PCYT1A: variants seen among roughly 807,000 people sequenced by gnomAD.
The protein encoded by PCYT1A is choline-phosphate cytidylyltransferase A.
A neutral mutation model predicts 43.7 loss-of-function variants in PCYT1A; 25 were observed. The ratio of observed to expected loss-of-function variants is 0.57; its 90% CI spans 0.42 to 0.80. The LOEUF (loss-of-function observed/expected upper bound fraction) is 0.80. Ranked by LOEUF, PCYT1A falls within the 30% of genes least tolerant of loss-of-function variation. The pLI, the probability that PCYT1A is intolerant of heterozygous loss-of-function variation, is 0.00. For missense variants in PCYT1A, 421 were observed against 474.2 expected, an observed-to-expected ratio of 0.89 and a Z score of 1.04; for synonymous variants, 172 against 170.7, an observed-to-expected ratio of 1.01 and a Z score of -0.06.
rs372973948 is a variant in PCYT1A, at chr3:196,238,650, G to A, written c.*38C>T. 44 of 1,331,200 alleles carry A rather than the reference G, an allele frequency of 3.3e-5. No homozygotes were observed. Among genetic ancestry groups the A allele is most frequent in the Non-Finnish European group, 4.1e-5 (40 of 985,812 alleles). The allele number at this position is 1,331,200 out of a possible 1,614,324, so 82.5% of individuals were successfully genotyped here. On this transcript the variant is annotated 3_prime_UTR_variant, in exon 9 of 9. Coordinates refer to ENST00000431016, the MANE Select transcript of PCYT1A (RefSeq NM_001312673.2). ...TCAACAGAGAGCTTCTGAAGGTAAT[G>A]GGACAGAAAGGGAGGACAGGAAAGG...
intron 5 of PCYT1A, among the ~76,000 whole-genome samples, chr3:196,244,942 C>A (rs1270017364): frequency 6.6e-6 from 1 of 152,168 alleles, no homozygotes; most frequent in Non-Finnish European, 1.5e-5. Context: ...TACCCAGGGA[C>A]ACAAACACTG....
chr3:196,267,911 G>A (rs1168534647), intron 2 of PCYT1A, among the ~76,000 whole-genome samples: 1 of 152,156 alleles, frequency 6.6e-6, no homozygotes, highest in Non-Finnish European at 1.5e-5. Context: ...GAAAGTACAG[G>A]TGTACAGTGA....
chr3:196,257,859 T>C lies in PCYT1A; in HGVS notation c.146A>G (p.Asp49Gly), dbSNP rs1355304743. The C allele has an allele frequency of 6.2e-7, 1 of 1,611,956 alleles. No homozygotes were observed. Among genetic ancestry groups the C allele is most frequent in the Admixed American group, 1.7e-5 (1 of 59,838 alleles). The change falls in exon 3 of 9, where the codon GAT becomes GGT. Residue 49 changes from aspartate to glycine, a missense_variant. Around this residue, in one of 3 missense-constraint regions of PCYT1A, gnomAD observed 139 missense variants for 117.7 expected, o/e 1.18. Transcript: ENST00000431016. ...CTTACTAAAGTCAACTTCAATTTCA[T>C]CAGAAAAAGGAGCTGGTTGCCGTAA... ...VGLRQPAPFS[D>G]EIEVDFSKPY...
intron 3 of PCYT1A, 48 bp from the exon 4 acceptor site, chr3:196,248,371 CATTTTT>C (rs775657216): frequency 3.4e-6 from 4 of 1,173,686 alleles, no homozygotes; most frequent in Non-Finnish European, 5.1e-6. Flanking sequence ...TTTTTTTTGT[CATTTTT>C]ATTTTTATTT....
rs1724508755 is a variant in PCYT1A, at chr3:196,244,884, T to C, written c.487-2244A>G. 2.6e-5 allele frequency among the ~76,000 whole-genome samples: 4 copies of C among 152,048 alleles called. No individual in the cohort carries two copies. The South Asian group carries it at 8.3e-4, about 32-fold the overall frequency. On this transcript the variant is annotated intron_variant, in intron 5 of 8. Transcript: ENST00000431016. ...AGATGTGCTTTGTTAAACAGATGCT[T>C]GAAGGCAGCATGCTCGTTAAGAGTC... is the stretch of plus-strand genomic sequence containing the variant.
At chr3:196,243,539 CGGTCTCCCTCTCCCTCTCTTTCTAT>C (rs1490093836) in intron 5 of PCYT1A, among the ~76,000 whole-genome samples, 31 of 151,884 alleles carry the variant, frequency 2.0e-4, no homozygotes, top group Non-Finnish European at 2.7e-4. Flanking sequence ...CCTCTCCCCA[CGGTCTCCCTCTCCCTCTCTTTCTAT>C]GGTCTCCCTC....
At chr3:196,241,104 G>C (rs537930482) in intron 7 of PCYT1A, among the ~76,000 whole-genome samples, 1 of 129,042 alleles carries the variant, frequency 7.7e-6, no homozygotes, top group Non-Finnish European at 1.6e-5. Flanking sequence ...GACCAGCCTG[G>C]CAAACATGGC....
intron 1 of PCYT1A, among the ~76,000 whole-genome samples, chr3:196,280,218 C>A (rs1447522747): frequency 6.6e-6 from 1 of 152,102 alleles, no homozygotes; most frequent in Non-Finnish European, 1.5e-5. Flanking sequence ...AACTATGTAA[C>A]AATCTAAATA....
At chr3:196,244,082 T>C (rs1182951775) in intron 5 of PCYT1A, among the ~76,000 whole-genome samples, 2 of 141,688 alleles carry the variant, frequency 1.4e-5, no homozygotes, top group Non-Finnish European at 3.0e-5. Flanking sequence ...TCGTCTGAGA[T>C]GTGGGGAGCG....
rs932743554 is a variant in PCYT1A, at chr3:196,282,751, T to G, written c.-11+4864A>C. Among the ~76,000 whole-genome samples the G allele has an allele frequency of 6.6e-6, 1 of 152,172 alleles. No individual in the cohort carries two copies. The highest frequency in any genetic ancestry group is 2.4e-5 in the African/African-American group (1 of 41,454). On this transcript the variant is annotated intron_variant, in intron 1 of 8. Transcript: ENST00000431016. This position sits in a 1 kb window ranked among gnomAD's most constrained non-coding sequence, Gnocchi z 4.3. ...AACACAAAAAAGATTAAGATTCCTGTTCTACGGTCAAAAAATAAAGAAACA... is the reference window on the plus strand; with the variant it reads ...AACACAAAAAAGATTAAGATTCCTGGTCTACGGTCAAAAAATAAAGAAACA...
At chr3:196,281,330 C>G (rs1331647208) in intron 1 of PCYT1A, among the ~76,000 whole-genome samples, 1 of 152,194 alleles carries the variant, frequency 6.6e-6, no homozygotes, top group African/African-American at 2.4e-5. Flanking sequence ...ACATTGCCCC[C>G]TATGTAAAGG....
In PCYT1A at chr3:196,238,487, TC is replaced by T. The variant is rs1724241320; in HGVS notation, c.*200del. Reference sequence around the variant, plus strand: ...TGCAGAGCAGGCTTCTAAGGTGCAGTCCCCCTCCTTCGTGTGGGTGAGTGAT... The same window carrying T: ...TGCAGAGCAGGCTTCTAAGGTGCAGTCCCCTCCTTCGTGTGGGTGAGTGAT... On this transcript the variant is annotated 3_prime_UTR_variant, in exon 9 of 9. Coordinates refer to ENST00000431016, the MANE Select transcript of PCYT1A (RefSeq NM_001312673.2). The T allele has an allele frequency of 2.4e-6, 1 of 409,756 alleles. No homozygotes were observed. The highest frequency in any genetic ancestry group is 4.4e-6 in the Non-Finnish European group (1 of 229,144). The allele number at this position is 409,756 out of a possible 1,614,324, so 25.4% of individuals were successfully genotyped here. A position where few individuals can be genotyped will look rare whatever the true frequency, so the allele number is the denominator to read the frequency against.
At chr3:196,286,986 C>T (rs1166922710) in intron 1 of PCYT1A, among the ~76,000 whole-genome samples, 1 of 152,164 alleles carries the variant, frequency 6.6e-6, no homozygotes, top group East Asian at 1.9e-4. Context: ...AGGAAGAAAC[C>T]CATAGTGTGG....
At chr3:196,254,264 G>A (rs1252516297) in intron 3 of PCYT1A, among the ~76,000 whole-genome samples, 1 of 151,830 alleles carries the variant, frequency 6.6e-6, no homozygotes, top group Non-Finnish European at 1.5e-5. Context: ...CTGACCTTAT[G>A]ATCCACCCAC....
At chr3:196,263,005 G>A (rs1291521080) in intron 2 of PCYT1A, among the ~76,000 whole-genome samples, 1 of 152,018 alleles carries the variant, frequency 6.6e-6, no homozygotes, top group East Asian at 1.9e-4. Flanking sequence ...ATGTTGGCCA[G>A]GCTGGTTTTG....
Position 196,242,682 on chromosome 3 carries a change from A to C in PCYT1A, c.487-42T>G. On this transcript the variant is annotated intron_variant, in intron 5 of 8. Coordinates refer to ENST00000431016, the MANE Select transcript of PCYT1A (RefSeq NM_001312673.2). This position sits in a 1 kb window ranked among gnomAD's most constrained non-coding sequence, Gnocchi z 4.2. ...ATCATTAAAACCCATGATAACTGCCATTCAGAAAGACCCAGTCAATGTTCT... is the reference window on the plus strand; with the variant it reads ...ATCATTAAAACCCATGATAACTGCCCTTCAGAAAGACCCAGTCAATGTTCT... 7.7e-7 allele frequency: 1 copy of C among 1,302,142 alleles called. No homozygotes were observed. Among genetic ancestry groups the C allele is most frequent in the Non-Finnish European group, 1.1e-6 (1 of 895,516 alleles). The allele number at this position is 1,302,142 out of a possible 1,614,324, so 80.7% of individuals were successfully genotyped here. A position where few individuals can be genotyped will look rare whatever the true frequency, so the allele number is the denominator to read the frequency against.
chr3:196,259,792 C>G (rs1248530697), intron 2 of PCYT1A, among the ~76,000 whole-genome samples: 2 of 149,254 alleles, frequency 1.3e-5, no homozygotes, highest in Admixed American at 1.3e-4. Flanking sequence ...TTACAGTGAG[C>G]TGAGATTGCC....
intron 2 of PCYT1A, 49 bp downstream of exon 2, chr3:196,270,366 A>G (rs1308647270): frequency 1.9e-6 from 2 of 1,049,450 alleles, no homozygotes; most frequent in East Asian, 4.7e-5. Context: ...GATATCATCA[A>G]TGTCATATCG....
At chr3:196,265,825 G>A (rs1725253429) in intron 2 of PCYT1A, among the ~76,000 whole-genome samples, 1 of 151,862 alleles carries the variant, frequency 6.6e-6, no homozygotes, top group South Asian at 2.1e-4. Flanking sequence ...TGCAAACTCC[G>A]CCTCCTGGGT....
Sources: gnomAD v4.1 joint callset for allele counts (sites outside exome capture counted in the v4.1 genomes callset) on GRCh38, gnomAD v4.1.1 for gene constraint, gnomAD v4.1.1 regional missense constraint, Gnocchi (gnomAD v3.1) non-coding constraint, MANE v1.5 for transcripts, NCBI Gene and HGNC (gene_info 2026-07-23, HGNC 2026-07-21) for gene names.